The following ANKRD33B variants were observed in gnomAD, a reference collection of about 807,000 sequenced individuals.
ANKRD33B encodes ankyrin repeat domain-containing protein 33B.
A neutral mutation model predicts 21.5 loss-of-function variants in ANKRD33B; 6 were observed. The ratio of observed to expected loss-of-function variants is 0.28; its 90% CI spans 0.15 to 0.55. ANKRD33B has a LOEUF of 0.55. Ranked by LOEUF, ANKRD33B falls within the 20% of genes least tolerant of loss-of-function variation. ANKRD33B has a pLI of 0.94. For synonymous variants in ANKRD33B, 347 were observed against 342.4 expected (o/e 1.01, Z -0.15); for missense variants, 698 against 747.2 (o/e 0.93, Z 0.77).
intron 1 of ANKRD33B, among the ~76,000 whole-genome samples, chr5:10,580,078 G>A (rs568108160): frequency 8.6e-5 from 13 of 151,118 alleles, no homozygotes; most frequent in African/African-American, 3.2e-4. Context: ...CCAGATCCCT[G>A]TAATTTTATG....
At chr5:10,595,238 G>A (rs553276918) in intron 1 of ANKRD33B, among the ~76,000 whole-genome samples, 1 of 152,214 alleles carries the variant, frequency 6.6e-6, no homozygotes, top group Admixed American at 6.5e-5. Context: ...TGGTTGTGGT[G>A]CTAGATTGGC....
intron 2 of ANKRD33B, among the ~76,000 whole-genome samples, chr5:10,636,651 A>C (rs1464249035): frequency 1.3e-5 from 2 of 152,148 alleles, no homozygotes; most frequent in African/African-American, 2.4e-5. Context: ...CTGGGTACCC[A>C]GCACCTCCCC....
chr5:10,577,621 G>GCGGGAGGGTCAGTCTGTAT (rs1429704079), intron 1 of ANKRD33B, among the ~76,000 whole-genome samples: 128 of 152,324 alleles, frequency 8.4e-4, no homozygotes, highest in African/African-American at 2.9e-3. Context: ...TCCATGTGTA[G>GCGGGAGGGTCAGTCTGTAT]CGGGAGGGTC....
At chr5:10,609,742 C>T (rs1736124905) in intron 1 of ANKRD33B, among the ~76,000 whole-genome samples, 1 of 152,082 alleles carries the variant, frequency 6.6e-6, no homozygotes, top group African/African-American at 2.4e-5. Flanking sequence ...AACCCCATTT[C>T]TACTAAAAAT....
Position 10,564,653 on chromosome 5 carries a change from G to A in ANKRD33B, c.186G>A (p.Glu62=), listed in dbSNP as rs1220050892. 6.5e-7 allele frequency: 1 copy of A among 1,535,018 alleles called. No homozygotes were observed. The highest frequency in any genetic ancestry group is 1.2e-5 in the South Asian group (1 of 83,996). ...IASDDSFYPF[E]DEEEHGVESA... is the part of the protein sequence containing the mutation. ...CGGACGACTCTTTCTACCCTTTCGA[G>A]GACGAGGAGGAGCACGGCGTCGAGA... is the stretch of plus-strand genomic sequence containing the variant. Residue 62 remains glutamate, a synonymous_variant, in exon 1 of 4, where the codon GAG becomes GAA. Transcript: ENST00000296657.
At chr5:10,610,567 G>A (rs1033389132) in intron 1 of ANKRD33B, among the ~76,000 whole-genome samples, 4 of 152,202 alleles carry the variant, frequency 2.6e-5, no homozygotes, top group Admixed American at 2.0e-4. Flanking sequence ...ACAGAACTTT[G>A]GACACAGTGT....
At chr5:10,648,325 G>A (rs1053022581) in intron 3 of ANKRD33B, among the ~76,000 whole-genome samples, 1 of 152,180 alleles carries the variant, frequency 6.6e-6, no homozygotes. Flanking sequence ...ACCACAGCTG[G>A]GGTGCCACCA....
In ANKRD33B at chr5:10,649,293, G is replaced by A. The variant is rs936775846; in HGVS notation, c.665G>A (p.Arg222His). 6.5e-6 allele frequency: 10 copies of A among 1,528,224 alleles called. No homozygotes were observed. The East Asian group carries it at 9.8e-5, about 15-fold the overall frequency. The allele number at this position is 1,528,224 out of a possible 1,614,324, so 94.7% of individuals were successfully genotyped here. A position where few individuals can be genotyped will look rare whatever the true frequency, so the allele number is the denominator to read the frequency against. The change falls in exon 4 of 4, where the codon CGC (arginine) becomes CAC (histidine). Residue 222 changes from arginine (R) to histidine (H), a missense_variant. By Grantham distance (29) the Arg-to-His change is conservative (BLOSUM62 0). Coordinates refer to ENST00000296657, the MANE Select transcript of ANKRD33B (RefSeq NM_001164440.2). ...AGADVHARDP[R>H]RGMSPQEWAT... ...GCGGATGTCCACGCGAGGGACCCCC[G>A]CCGTGGGATGTCGCCGCAGGAGTGG...
At chr5:10,611,139 C>T (rs1190722418) in intron 1 of ANKRD33B, among the ~76,000 whole-genome samples, 1 of 152,034 alleles carries the variant, frequency 6.6e-6, no homozygotes, top group Non-Finnish European at 1.5e-5. Context: ...CACAGCTGCA[C>T]CAAATAGTGA....
intron 1 of ANKRD33B, among the ~76,000 whole-genome samples, chr5:10,583,908 A>C (rs1486305414): frequency 6.6e-6 from 1 of 152,200 alleles, no homozygotes; most frequent in African/African-American, 2.4e-5. Context: ...AGTTGTAATA[A>C]GACAAGGGAG....
intron 2 of ANKRD33B, among the ~76,000 whole-genome samples, chr5:10,620,802 G>A (rs1294508029): frequency 2.6e-5 from 4 of 152,126 alleles, no homozygotes; most frequent in South Asian, 2.1e-4. Context: ...TAAATTTGAC[G>A]AACTGCTTAC....
intron 3 of ANKRD33B, among the ~76,000 whole-genome samples, chr5:10,642,742 T>C (rs966098051): frequency 9.2e-5 from 14 of 152,204 alleles, no homozygotes; most frequent in African/African-American, 3.4e-4. Flanking sequence ...GTTTATGTGT[T>C]CAATAGTTAT....
At chr5:10,602,946 A>G (rs983249557) in intron 1 of ANKRD33B, among the ~76,000 whole-genome samples, 12 of 150,982 alleles carry the variant, frequency 7.9e-5, no homozygotes, top group Non-Finnish European at 1.0e-4. Context: ...TAGAGTAGCT[A>G]GGACTACAGG....
intron 2 of ANKRD33B, among the ~76,000 whole-genome samples, chr5:10,632,295 G>A (rs947442167): frequency 6.6e-6 from 1 of 152,122 alleles, no homozygotes; most frequent in Non-Finnish European, 1.5e-5. Context: ...CGTGAGGTCG[G>A]TGACTTCCAT....
At chr5:10,567,716 T>C (rs532176832) in intron 1 of ANKRD33B, among the ~76,000 whole-genome samples, 7 of 152,276 alleles carry the variant, frequency 4.6e-5, no homozygotes, top group African/African-American at 1.7e-4. Flanking sequence ...CAGGTGACGT[T>C]TGAGCAGAGA....
Position 10,638,992 on chromosome 5 carries a change from T to A in ANKRD33B, c.637+824T>A, listed in dbSNP as rs1214057689. Among the ~76,000 whole-genome samples, 12 of 76,224 alleles carry A rather than the reference T, an allele frequency of 1.6e-4. 1 individual carries two copies. The highest frequency in any genetic ancestry group is 3.0e-4 in the Non-Finnish European group (11 of 36,336). 50.0% of individuals were successfully genotyped at this position (76,224 alleles called of 152,430 possible). On this transcript the variant is annotated intron_variant, in intron 3 of 3. Transcript: ENST00000296657. ...GCGATGTTAGCGGGTGACGCGGAGT[T>A]GCGCGGCGATGTTAGGCGGTGACGC...
intron 2 of ANKRD33B, chr5:10,627,783 C>T (rs1736610543): frequency 6.6e-6 from 1 of 152,220 alleles, no homozygotes. Flanking sequence ...TGGTGAGTCT[C>T]GGTTTCCCAG....
At chr5:10,649,212 G>T (rs1021343352) in intron 3 of ANKRD33B, 54 bp from the exon 4 acceptor site, 51 of 1,476,852 alleles carry the variant, frequency 3.5e-5, no homozygotes, top group Admixed American at 6.4e-5. Flanking sequence ...CTGCCTGGGA[G>T]GGAAGAGTCC....
At chr5:10,643,749 G>C (rs1055364598) in intron 3 of ANKRD33B, among the ~76,000 whole-genome samples, 1 of 151,558 alleles carries the variant, frequency 6.6e-6, no homozygotes, top group Non-Finnish European at 1.5e-5. Context: ...GAACCTAGGA[G>C]GCGGAGGTTG....
Sources: allele counts gnomAD v4.1 joint callset (sites outside exome capture counted in the v4.1 genomes callset), GRCh38; gene constraint gnomAD v4.1.1; transcripts MANE v1.5; gene names NCBI Gene and HGNC (gene_info 2026-07-23, HGNC 2026-07-21).